RSPO4: variants seen among roughly 807,000 people sequenced by gnomAD.
RSPO4 encodes the protein R-spondin 4, also known as R-spondin-4.
RSPO4 carries 23 observed loss-of-function variants against 24.8 expected under a neutral mutation model. That is an observed-to-expected ratio of 0.93 (90% confidence interval 0.67 to 1.31). The LOEUF is 1.31. Ranked by LOEUF, RSPO4 falls within the 40% of genes most tolerant of loss-of-function variation. The probability of loss-of-function intolerance (pLI) is 0.00; values close to 1 mark genes in which losing one functional copy is unlikely to be tolerated. For synonymous variants in RSPO4, 141 were observed against 127.4 expected, an observed-to-expected ratio of 1.11 and a Z score of -0.72; for missense variants, 333 against 316.5, an observed-to-expected ratio of 1.05 and a Z score of -0.39.
intron 1 of RSPO4, among the ~76,000 whole-genome samples, chr20:995,447 C>G (rs1185906968): frequency 6.6e-6 from 1 of 152,092 alleles, no homozygotes; most frequent in Non-Finnish European, 1.5e-5. Context: ...GGGTGAGGAC[C>G]AAAGGAAAGG....
At chr20:978,498 GA>G (rs1198981540) in intron 1 of RSPO4, among the ~76,000 whole-genome samples, 4 of 152,176 alleles carry the variant, frequency 2.6e-5, no homozygotes, top group Non-Finnish European at 4.4e-5. Context: ...ACCCATTTGT[GA>G]TTATACCCAT....
intron 1 of RSPO4, among the ~76,000 whole-genome samples, chr20:972,202 C>T (rs1386674555): frequency 1.3e-5 from 2 of 152,056 alleles, no homozygotes; most frequent in Non-Finnish European, 2.9e-5. Context: ...GTAGCTAGGA[C>T]TACAGGCGTG....
chr20:998,257 T>G (rs1390186673), intron 1 of RSPO4, among the ~76,000 whole-genome samples: 1 of 152,066 alleles, frequency 6.6e-6, no homozygotes. Context: ...GGAAAGTCAG[T>G]CACAGGCTGG....
Position 991,997 on chromosome 20 carries a change from G to A in RSPO4, c.79+10089C>T, listed in dbSNP as rs570261642. ...CTCAAATGCCTGCAGGGAGGCGGGG[G>A]AAGTGAATGACGGGGGTGGTGTAGG... On this transcript the variant is annotated intron_variant, in intron 1 of 4. Coordinates refer to ENST00000217260, the MANE Select transcript of RSPO4 (RefSeq NM_001029871.4). Among the ~76,000 whole-genome samples the A allele has an allele frequency of 3.3e-5, 5 of 151,600 alleles. No individual in the cohort carries two copies. In the South Asian group the frequency reaches 1.0e-3, roughly 32 times the overall value.
At chr20:964,712 A>G (rs868615375) in intron 3 of RSPO4, among the ~76,000 whole-genome samples, 5 of 151,052 alleles carry the variant, frequency 3.3e-5, no homozygotes, top group Middle Eastern at 3.4e-3. Context: ...ACACACACAT[A>G]TATATATACA....
intron 1 of RSPO4, among the ~76,000 whole-genome samples, chr20:971,655 G>A (rs1984412212): frequency 6.6e-6 from 1 of 152,152 alleles, no homozygotes; most frequent in South Asian, 2.1e-4. Flanking sequence ...TAAAGTTCAA[G>A]GACCTGCAAA....
Position 960,120 on chromosome 20 carries a change from G to C in RSPO4, c.*237C>G. 1 of 578,816 alleles carries C rather than the reference G, an allele frequency of 1.7e-6. No homozygotes were observed. The highest frequency in any genetic ancestry group is 2.9e-5 in the East Asian group (1 of 35,030). 35.9% of individuals were successfully genotyped at this position (578,816 alleles called of 1,614,324 possible). A position where few individuals can be genotyped will look rare whatever the true frequency, so the allele number is the denominator to read the frequency against. Reference sequence around the variant, plus strand: ...ATAAAAGATAAGTGAGAAAGAAGAGGAAGGAAGGGAAGGAGGGAGGGAGAA... The same window carrying C: ...ATAAAAGATAAGTGAGAAAGAAGAGCAAGGAAGGGAAGGAGGGAGGGAGAA... On this transcript the variant is annotated 3_prime_UTR_variant, in exon 5 of 5. Coordinates refer to ENST00000217260, the MANE Select transcript of RSPO4 (RefSeq NM_001029871.4).
rs199802802 is a variant in RSPO4, at chr20:967,923, G to T, written c.268+27C>A. The T allele has an allele frequency of 6.2e-5, 100 of 1,608,684 alleles. 3 individuals are homozygous for T. In the Admixed American group the frequency reaches 8.2e-4, roughly 13 times the overall value. On this transcript the variant is annotated intron_variant, in intron 2 of 4. Coordinates refer to ENST00000217260, the MANE Select transcript of RSPO4 (RefSeq NM_001029871.4). Reference sequence around the variant, plus strand: ...CATGGTGTCTAGGAGCCCAGCACTAGCATAGAACAAGGGAGAAGCCACGTA... The same window carrying T: ...CATGGTGTCTAGGAGCCCAGCACTATCATAGAACAAGGGAGAAGCCACGTA...
intron 1 of RSPO4, among the ~76,000 whole-genome samples, chr20:972,807 G>A (rs1008774908): frequency 6.6e-6 from 1 of 152,226 alleles, no homozygotes; most frequent in East Asian, 1.9e-4. Flanking sequence ...GTGCCTTGGC[G>A]CTGTGTAAGC....
At chr20:960,733 G>A (rs759770194) in intron 4 of RSPO4, among the ~76,000 whole-genome samples, 4 of 152,184 alleles carry the variant, frequency 2.6e-5, no homozygotes, top group East Asian at 1.9e-4. Flanking sequence ...CATCTGGCTC[G>A]GCCAGGCCTG....
Position 1,002,251 on chromosome 20 carries a change from G to A in RSPO4, c.-87C>T. The A allele has an allele frequency of 1.4e-5, 11 of 765,190 alleles. No homozygotes were observed. The highest frequency in any genetic ancestry group is 1.7e-5 in the Non-Finnish European group (10 of 588,156). The allele number at this position is 765,190 out of a possible 1,614,324, so 47.4% of individuals were successfully genotyped here. A position where few individuals can be genotyped will look rare whatever the true frequency, so the allele number is the denominator to read the frequency against. ...CCCGGCGGCGGCACGGCGGGCGCGG[G>A]GGCTGCTGTGGGCGCGCCGGGCGCA... is the stretch of plus-strand genomic sequence containing the variant. On this transcript the variant is annotated 5_prime_UTR_variant, in exon 1 of 5. Transcript: ENST00000217260. This position sits in a 1 kb window ranked among gnomAD's most constrained non-coding sequence, Gnocchi z 4.6.
In RSPO4 at chr20:1,002,136, A is replaced by T; in HGVS notation, c.29T>A (p.Leu10His). The T allele has an allele frequency of 6.4e-7, 1 of 1,564,256 alleles. No homozygotes were observed. The highest frequency in any genetic ancestry group is 8.7e-7 in the Non-Finnish European group (1 of 1,154,334). MRAPLCLLL[L>H]VAHAVDMLAL... ...GAGCATGTCCACGGCGTGGGCGACGAGCAGGAGCAGGCAGAGTGGCGCCCG... is the reference window on the plus strand; with the variant it reads ...GAGCATGTCCACGGCGTGGGCGACGTGCAGGAGCAGGCAGAGTGGCGCCCG... Residue 10 changes from leucine to histidine, a missense_variant, in exon 1 of 5, where the codon CTC (leucine) becomes CAC (histidine). Physicochemically the swap from Leu to His is moderately conservative, Grantham distance 99. Transcript: ENST00000217260. This position sits in a 1 kb window ranked among gnomAD's most constrained non-coding sequence, Gnocchi z 4.6.
rs1021235915 is a variant in RSPO4, at chr20:999,896, T to C, written c.79+2190A>G. Among the ~76,000 whole-genome samples, 9 of 152,094 alleles carry C rather than the reference T, an allele frequency of 5.9e-5. No homozygotes were observed. In the South Asian group the frequency reaches 1.5e-3, roughly 25 times the overall value. ...TGTTGTTGTTGTTGTTGAGACAGAG[T>C]CTCACTCTGACACCCAGGCTGGAGT... is the stretch of plus-strand genomic sequence containing the variant. On this transcript the variant is annotated intron_variant, in intron 1 of 4. Transcript: ENST00000217260.
intron 1 of RSPO4, among the ~76,000 whole-genome samples, chr20:988,402 C>T (rs910984899): frequency 1.2e-4 from 18 of 152,086 alleles, no homozygotes; most frequent in East Asian, 1.9e-4. Context: ...GTGGCCTGGA[C>T]GAGGCTGGCA....
intron 1 of RSPO4, among the ~76,000 whole-genome samples, chr20:992,826 T>G (rs972089246): frequency 3.3e-5 from 5 of 152,098 alleles, no homozygotes; most frequent in African/African-American, 1.2e-4. Flanking sequence ...AGCAATGCGT[T>G]TGTCTATGTT....
At position 967,981 on chromosome 20, in the gene RSPO4, G is replaced by A; in HGVS notation, c.237C>T (p.Gly79=). ...CLHDCPPGYF[G]IRGQEVNRCK... is the part of the protein sequence containing the mutation. Reference sequence around the variant, plus strand: ...ACCTGTTGACCTCCTGGCCGCGGATGCCGAAGTACCCAGGGGGACAGTCGT... The same window carrying A: ...ACCTGTTGACCTCCTGGCCGCGGATACCGAAGTACCCAGGGGGACAGTCGT... The change falls in exon 2 of 5, where the codon GGC becomes GGT. Residue 79 remains glycine (G), a synonymous_variant. Transcript: ENST00000217260. The A allele has an allele frequency of 6.2e-7, 1 of 1,614,254 alleles. No individual in the cohort carries two copies. Among genetic ancestry groups the A allele is most frequent in the Non-Finnish European group, 8.5e-7 (1 of 1,180,048 alleles).
At chr20:985,528 C>T (rs556643264) in intron 1 of RSPO4, among the ~76,000 whole-genome samples, 4 of 152,314 alleles carry the variant, frequency 2.6e-5, no homozygotes, top group African/African-American at 9.6e-5. Context: ...TCTCCAATGC[C>T]ATGCATGGGG....
chr20:967,385 G>A, intron 2 of RSPO4, 71 bp from the exon 3 acceptor site: 1 of 1,532,224 alleles, frequency 6.5e-7, no homozygotes, highest in Non-Finnish European at 9.0e-7. Flanking sequence ...TCTGCCCGAG[G>A]TGGAAGGCCC....
intron 1 of RSPO4, among the ~76,000 whole-genome samples, chr20:971,350 C>A (rs1984401660): frequency 6.6e-6 from 1 of 152,244 alleles, no homozygotes; most frequent in Non-Finnish European, 1.5e-5. Context: ...GTCCAGGGAC[C>A]ATGCTCTCAG....
Sources: allele counts gnomAD v4.1 joint callset (sites outside exome capture counted in the v4.1 genomes callset), GRCh38; gene constraint gnomAD v4.1.1; non-coding constraint Gnocchi (gnomAD v3.1); transcripts MANE v1.5; gene names NCBI Gene and HGNC (gene_info 2026-07-23, HGNC 2026-07-21).